Variants in ANO3 observed in about 807,000 individuals in gnomAD.
ANO3 encodes the protein anoctamin 3.
A neutral mutation model predicts 144.8 loss-of-function variants in ANO3; 99 were observed. The ratio of observed to expected loss-of-function variants is 0.68; its 90% CI spans 0.58 to 0.81. The LOEUF is 0.81. Ranked by LOEUF, ANO3 falls within the 30% of genes least tolerant of loss-of-function variation. The probability of loss-of-function intolerance (pLI) is 0.00; values close to 1 mark genes in which losing one functional copy is unlikely to be tolerated. For synonymous variants in ANO3, 414 were observed against 392.6 expected, an observed-to-expected ratio of 1.05 and a Z score of -0.64; for missense variants, 905 against 1,202.2, an observed-to-expected ratio of 0.75 and a Z score of 3.66.
At chr11:26,343,683 C>A (rs1855423877) in intron 1 of ANO3, among the ~76,000 whole-genome samples, 1 of 152,204 alleles carries the variant, frequency 6.6e-6, no homozygotes, top group African/African-American at 2.4e-5. Flanking sequence ...TAGTTGATAA[C>A]TGGAGTGTAG....
chr11:26,301,907 C>T (rs1397445869), intron 1 of ANO3, among the ~76,000 whole-genome samples: 3 of 152,158 alleles, frequency 2.0e-5, no homozygotes, highest in South Asian at 2.1e-4. Context: ...TTCTAAGCCC[C>T]ATCACATAGA....
At chr11:26,461,678 C>T (rs900384878) in intron 3 of ANO3, among the ~76,000 whole-genome samples, 3 of 151,998 alleles carry the variant, frequency 2.0e-5, no homozygotes, top group African/African-American at 7.2e-5. Flanking sequence ...ATGGGGGAAA[C>T]ATATTATATT....
At chr11:26,373,822 A>G (rs1207404758) in intron 1 of ANO3, among the ~76,000 whole-genome samples, 1 of 152,206 alleles carries the variant, frequency 6.6e-6, no homozygotes, top group African/African-American at 2.4e-5. Context: ...TTTTGCAGAT[A>G]AGAACATGGA....
intron 1 of ANO3, among the ~76,000 whole-genome samples, chr11:26,384,622 G>C (rs938376589): frequency 6.6e-6 from 1 of 151,944 alleles, no homozygotes; most frequent in Non-Finnish European, 1.5e-5. Flanking sequence ...AGTCCTTTTA[G>C]TTCTACTCCA....
intron 23 of ANO3, among the ~76,000 whole-genome samples, chr11:26,645,970 G>A (rs10835041): frequency 0.37 from 55,545 of 152,032 alleles, 11,305 homozygotes; most frequent in South Asian, 0.49. Context: ...AGATAGGTAA[G>A]TGTTTTCTAA....
intron 1 of ANO3, among the ~76,000 whole-genome samples, chr11:26,343,465 C>A (rs1368721756): frequency 6.6e-6 from 1 of 152,132 alleles, no homozygotes; most frequent in African/African-American, 2.4e-5. Context: ...GGGGGTCCTC[C>A]ATAATGCTTT....
intron 14 of ANO3, among the ~76,000 whole-genome samples, chr11:26,564,777 ATATATAT>A (rs1850495358): frequency 9.8e-6 from 1 of 101,662 alleles, no homozygotes; most frequent in African/African-American, 3.6e-5. Context: ...ATATATATAT[ATATATAT>A]AAGTTCAGTT....
In ANO3 at chr11:26,467,512, A is replaced by C. The variant is rs574769031; in HGVS notation, c.432+4364A>C. Among the ~76,000 whole-genome samples, 89 of 152,026 alleles carry C rather than the reference A, an allele frequency of 5.9e-4. 1 individual carries two copies. Among genetic ancestry groups the C allele is most frequent in the African/African-American group, 2.0e-3 (83 of 41,516 alleles). ...ATTGTTTTAATTTTTAGCTCTCACA[A>C]ATAAGTGAGAAGATGAAAAGTCTGT... is the stretch of plus-strand genomic sequence containing the variant. On this transcript the variant is annotated intron_variant, in intron 4 of 26. Transcript: ENST00000256737.
chr11:26,372,859 A>G (rs909495858), intron 1 of ANO3, among the ~76,000 whole-genome samples: 2 of 152,212 alleles, frequency 1.3e-5, no homozygotes, highest in African/African-American at 2.4e-5. Context: ...CACTTTGAAC[A>G]TTTATATTCA....
chr11:26,499,764 C>A (rs571552795), intron 4 of ANO3, among the ~76,000 whole-genome samples: 33 of 151,856 alleles, frequency 2.2e-4, no homozygotes, highest in Admixed American at 4.6e-4. Context: ...ATTTTACAAT[C>A]AAAAAATGCA....
chr11:26,438,924 G>C (rs962630961), intron 1 of ANO3, among the ~76,000 whole-genome samples: 1 of 152,122 alleles, frequency 6.6e-6, no homozygotes, highest in African/African-American at 2.4e-5. Context: ...CAGATTTTCT[G>C]GTTTTAAAAC....
chr11:26,469,772 T>G (rs1390359301), intron 4 of ANO3, among the ~76,000 whole-genome samples: 1 of 152,098 alleles, frequency 6.6e-6, no homozygotes, highest in Admixed American at 6.6e-5. Context: ...ATGGCTAATA[T>G]TCTTAATTCA....
At chr11:26,638,689 A>G (rs950746792) in intron 20 of ANO3, among the ~76,000 whole-genome samples, 3 of 152,208 alleles carry the variant, frequency 2.0e-5, no homozygotes, top group African/African-American at 7.2e-5. Context: ...AGAACTGTGT[A>G]AGGAGTGTAT....
chr11:26,395,003 A>G (rs1590323971), intron 1 of ANO3, among the ~76,000 whole-genome samples: 2 of 152,288 alleles, frequency 1.3e-5, no homozygotes, highest in African/African-American at 4.8e-5. Flanking sequence ...GACCTCTGGG[A>G]ACAACATCAT....
intron 17 of ANO3, among the ~76,000 whole-genome samples, chr11:26,602,754 A>AG (rs1431094710): frequency 2.0e-5 from 3 of 151,186 alleles, no homozygotes; most frequent in Admixed American, 6.6e-5. Flanking sequence ...AAGTCTCAAA[A>AG]AAAAAAGACA....
chr11:26,293,530 CATGTATAT>C (rs1230049765), intron 1 of ANO3, among the ~76,000 whole-genome samples: 5,309 of 62,314 alleles, frequency 0.085, 576 homozygotes, highest in Middle Eastern at 0.15. Context: ...CTATAAATTC[CATGTATAT>C]ATATATATAT....
At chr11:26,395,800 T>C (rs966380896) in intron 1 of ANO3, among the ~76,000 whole-genome samples, 5 of 152,062 alleles carry the variant, frequency 3.3e-5, no homozygotes, top group African/African-American at 1.2e-4. Context: ...TAACGCAAGA[T>C]AGATTAAAGA....
At chr11:26,387,821 G>A (rs1856775373) in intron 1 of ANO3, among the ~76,000 whole-genome samples, 1 of 151,946 alleles carries the variant, frequency 6.6e-6, no homozygotes, top group Admixed American at 6.6e-5. Flanking sequence ...GGGCACCAGG[G>A]GTCAATATGT....
At chr11:26,649,766 T>C (rs2133079975) in intron 24 of ANO3, among the ~76,000 whole-genome samples, 1 of 152,196 alleles carries the variant, frequency 6.6e-6, no homozygotes, top group African/African-American at 2.4e-5. Flanking sequence ...ATAGCCCTTA[T>C]GATTAAGAAG....
Sources: gnomAD v4.1 joint callset for allele counts (sites outside exome capture counted in the v4.1 genomes callset) on GRCh38, gnomAD v4.1.1 for gene constraint, MANE v1.5 for transcripts, NCBI Gene and HGNC (gene_info 2026-07-23, HGNC 2026-07-21) for gene names.